The following TYW1B variants were observed in gnomAD, a reference collection of about 807,000 sequenced individuals.
TYW1B encodes the protein tRNA-yW synthesizing protein 1 homolog B.
In TYW1B, 73 loss-of-function variants were observed where a neutral mutation model predicts 86.9. That is an observed-to-expected ratio of 0.84 (90% CI 0.70 to 1.02). The LOEUF is 1.02. Among genes scored for constraint, TYW1B ranks in the 50% least tolerant of loss-of-function variants. TYW1B has a pLI of 0.00. For synonymous variants in TYW1B, 248 were observed against 292.8 expected (o/e 0.85, Z 1.56); for missense variants, 637 against 827.4 (o/e 0.77, Z 2.82).
intron 13 of TYW1B, among the ~76,000 whole-genome samples, chr7:72,601,316 C>A (rs1811659730): frequency 6.7e-6 from 1 of 150,032 alleles, no homozygotes; most frequent in Non-Finnish European, 1.5e-5. Flanking sequence ...TATGCCACTA[C>A]AAATCTATTA....
intron 8 of TYW1B, among the ~76,000 whole-genome samples, chr7:72,731,406 A>C (rs1258550330): frequency 1.3e-5 from 2 of 150,638 alleles, no homozygotes; most frequent in East Asian, 1.9e-4. Flanking sequence ...AAAAAAAAAA[A>C]AAAAAAAAAC....
chr7:72,581,612 C>G (rs1183551604), intron 13 of TYW1B, among the ~76,000 whole-genome samples: 1 of 151,946 alleles, frequency 6.6e-6, no homozygotes. Flanking sequence ...GTGTGCACCA[C>G]CATACCCAGC....
At chr7:72,606,857 T>C (rs1374889829) in intron 13 of TYW1B, among the ~76,000 whole-genome samples, 2 of 152,112 alleles carry the variant, frequency 1.3e-5, no homozygotes, top group African/African-American at 4.8e-5. Context: ...CAGTGCAGTG[T>C]CAAAGGAGGC....
At chr7:72,717,719 C>T (rs538568273) in intron 9 of TYW1B, among the ~76,000 whole-genome samples, 120 of 151,426 alleles carry the variant, frequency 7.9e-4, no homozygotes, top group African/African-American at 2.7e-3. Context: ...CTTAGAAATA[C>T]GAAAGTGTAA....
At chr7:72,606,697 A>T (rs4717663) in intron 13 of TYW1B, among the ~76,000 whole-genome samples, 7 of 149,862 alleles carry the variant, frequency 4.7e-5, no homozygotes, top group African/African-American at 1.8e-4. Context: ...AGAATGGTAT[A>T]ACAGGAGGCT....
At chr7:72,704,550 A>T (rs1453824500) in intron 10 of TYW1B, among the ~76,000 whole-genome samples, 8 of 150,952 alleles carry the variant, frequency 5.3e-5, no homozygotes, top group Non-Finnish European at 8.9e-5. Context: ...GGAGTTCAAG[A>T]CCAGCCTGGC....
rs532013124 is a variant in TYW1B at position 72,703,471 on chromosome 7, C to T, written c.1371-8649G>A. 2.3e-3 allele frequency among the ~76,000 whole-genome samples: 351 copies of T among 152,228 alleles called. 1 individual carries two copies. Among genetic ancestry groups the T allele is most frequent in the African/African-American group, 7.5e-3 (311 of 41,554 alleles). On this transcript the variant is annotated intron_variant, in intron 10 of 13. Transcript: ENST00000620995. The stretch of plus-strand genomic sequence containing the variant: ...TTGTGTTCAGATATCATGCTCTATA[C>T]AATTTCGACCCTGTTTTGAAATGTC...
intron 6 of TYW1B, among the ~76,000 whole-genome samples, chr7:72,794,599 C>CA (rs1279403290): frequency 6.6e-6 from 1 of 151,644 alleles, no homozygotes; most frequent in South Asian, 2.1e-4. Context: ...AAAATGGGCT[C>CA]AAAAAAGAAG....
Position 72,694,811 on chromosome 7 carries a change from G to A in TYW1B, c.1382C>T (p.Pro461Leu). 1 of 1,584,606 alleles carries A rather than the reference G, an allele frequency of 6.3e-7. No homozygotes were observed. The highest frequency in any genetic ancestry group is 8.5e-7 in the Non-Finnish European group (1 of 1,172,420). The part of the protein sequence containing the change: ...QFPAEIRNLE[P>L]VTQLYVSVDA... The stretch of plus-strand genomic sequence containing the variant: ...CACACTGACATACAGCTGAGTAACT[G>A]GCTCGAGGTTCCTTAGTAATTTTTT... Residue 461 changes from proline to leucine, a missense_variant, in exon 11 of 14, where the codon CCA becomes CTA. Coordinates refer to ENST00000620995, the MANE Select transcript of TYW1B (RefSeq NM_001145440.3).
chr7:72,781,418 T>C (rs1418885384), intron 6 of TYW1B, among the ~76,000 whole-genome samples: 1 of 152,146 alleles, frequency 6.6e-6, no homozygotes, highest in African/African-American at 2.4e-5. Flanking sequence ...ACTTCACTAA[T>C]TATATTGCCT....
intron 7 of TYW1B, among the ~76,000 whole-genome samples, chr7:72,748,641 G>A (rs1163543746): frequency 2.0e-5 from 3 of 151,380 alleles, no homozygotes; most frequent in Non-Finnish European, 2.9e-5. Context: ...AGTTTTTAAT[G>A]ATGAAGGGTT....
At chr7:72,755,402 G>A (rs73145205) in intron 7 of TYW1B, among the ~76,000 whole-genome samples, 3,279 of 152,264 alleles carry the variant, frequency 0.022, 66 homozygotes, top group South Asian at 0.077. Context: ...CTGGCCGGGC[G>A]TGATGGCTCA....
In TYW1B at chr7:72,773,601, A is replaced by G. The variant is rs535955958; in HGVS notation, c.964+3815T>C. Among the ~76,000 whole-genome samples the G allele has an allele frequency of 3.6e-4, 55 of 152,248 alleles. 1 individual carries two copies. The highest frequency in any genetic ancestry group is 6.8e-4 in the Non-Finnish European group (46 of 68,036). ...ATTGAAAGCTAGAGAGATGAAACCT[A>G]CAAAGAGACTCCAAGAGTCTACAGC... is the stretch of plus-strand genomic sequence containing the variant. On this transcript the variant is annotated intron_variant, in intron 7 of 13. Transcript: ENST00000620995.
At chr7:72,681,640 G>A (rs1813877797) in intron 11 of TYW1B, among the ~76,000 whole-genome samples, 1 of 147,522 alleles carries the variant, frequency 6.8e-6, no homozygotes, top group Admixed American at 6.9e-5. Flanking sequence ...TGTCGCCCAG[G>A]CTGGAGTGCA....
Position 72,632,175 on chromosome 7 carries a change from C to T in TYW1B, c.1507-3178G>A, listed in dbSNP as rs1451254711. Among the ~76,000 whole-genome samples, 7 of 148,480 alleles carry T rather than the reference C, an allele frequency of 4.7e-5. No homozygotes were observed. In the South Asian group the frequency reaches 8.5e-4, roughly 18 times the overall value. ...GGGCATGGCTGAAGCAGGAGGATTGCTTGAACTTGGGAGGTGGAGGCTGCA... is the reference window on the plus strand; with the variant it reads ...GGGCATGGCTGAAGCAGGAGGATTGTTTGAACTTGGGAGGTGGAGGCTGCA... On this transcript the variant is annotated intron_variant, in intron 11 of 13. Transcript: ENST00000620995.
At chr7:72,643,485 G>A (rs1223939733) in intron 11 of TYW1B, among the ~76,000 whole-genome samples, 1 of 152,042 alleles carries the variant, frequency 6.6e-6, no homozygotes, top group East Asian at 1.9e-4. Context: ...TACTCGGGAG[G>A]CTGAGGCAGG....
chr7:72,713,937 G>C (rs1786727975), intron 9 of TYW1B, 139 bp from the exon 10 acceptor site: 2 of 536,586 alleles, frequency 3.7e-6, no homozygotes, highest in Non-Finnish European at 6.7e-6. Context: ...AAAGGGCAGG[G>C]CAGGACTAGA....
chr7:72,662,002 C>G (rs543242896), intron 11 of TYW1B, among the ~76,000 whole-genome samples: 1 of 152,180 alleles, frequency 6.6e-6, no homozygotes, highest in African/African-American at 2.4e-5. Context: ...TCAGTCCTAC[C>G]AAACCCAAAA....
In TYW1B at chr7:72,603,092, T is replaced by TGATGGATG. The variant is rs61589472; in HGVS notation, c.1785+13572_1785+13579dup. ...AGACACAGAAAGACAGACAGACAGATGATGGATGGATGGATGGATGGATGG... is the reference window on the plus strand; with the variant it reads ...AGACACAGAAAGACAGACAGACAGATGATGGATGGATGGATGGATGGATGGATGGATGG... On this transcript the variant is annotated intron_variant, in intron 13 of 13. Coordinates refer to ENST00000620995, the MANE Select transcript of TYW1B (RefSeq NM_001145440.3). Among the ~76,000 whole-genome samples the TGATGGATG allele has an allele frequency of 9.5e-4, 140 of 147,112 alleles. 2 individuals carry two copies. The highest frequency in any genetic ancestry group is 6.0e-3 in the South Asian group (28 of 4,662).
Sources: allele counts gnomAD v4.1 joint callset (sites outside exome capture counted in the v4.1 genomes callset), GRCh38; gene constraint gnomAD v4.1.1; transcripts MANE v1.5; gene names NCBI Gene and HGNC (gene_info 2026-07-23, HGNC 2026-07-21).